Variants in TIAM1 observed in about 807,000 individuals in gnomAD.
The protein encoded by TIAM1 is TIAM Rac1 associated GEF 1.
TIAM1 carries 65 observed loss-of-function variants against 163.5 expected under a neutral mutation model. The ratio of observed to expected loss-of-function variants is 0.40; its 90% confidence interval spans 0.33 to 0.49. TIAM1 has a LOEUF of 0.49. TIAM1 is among the 20% of genes least tolerant of loss of function. The pLI is 0.77. For synonymous variants in TIAM1, 833 were observed against 810.1 expected, an observed-to-expected ratio of 1.03 and a Z score of -0.48; for missense variants, 1,789 against 2,044.7, an observed-to-expected ratio of 0.87 and a Z score of 2.41.
intron 2 of TIAM1, among the ~76,000 whole-genome samples, chr21:31,322,362 G>T (rs1325235097): frequency 6.7e-6 from 1 of 148,418 alleles, no homozygotes; most frequent in African/African-American, 2.5e-5. Flanking sequence ...ATTCTAGCTC[G>T]TATTCACAAA....
intron 2 of TIAM1, among the ~76,000 whole-genome samples, chr21:31,443,253 A>G (rs913798167): frequency 6.6e-6 from 1 of 152,184 alleles, no homozygotes; most frequent in Non-Finnish European, 1.5e-5. Context: ...TAAACCCCCT[A>G]GTAACAGACA....
chr21:31,136,701 C>A (rs913009195), intron 22 of TIAM1, among the ~76,000 whole-genome samples: 1 of 152,170 alleles, frequency 6.6e-6, no homozygotes, highest in African/African-American at 2.4e-5. Context: ...TCTGTCAAAA[C>A]TGATCTACAA....
chr21:31,382,221 G>C (rs1178522668), intron 2 of TIAM1, among the ~76,000 whole-genome samples: 1 of 152,172 alleles, frequency 6.6e-6, no homozygotes, highest in East Asian at 1.9e-4. Flanking sequence ...GAGACCTCTG[G>C]GGCTAGATGT....
In TIAM1 at chr21:31,217,640, G is replaced by A. The variant is rs746396507; in HGVS notation, c.2055C>T (p.Ser685=). ...VRRRTQAMSR[S]ASKRRSRFSS... is the part of the protein sequence containing the mutation. ...AAAACCTGCTCCTTCGCTTGCTCGCGGATCTGGACATGGCCTGAGTACGTC... is the reference window on the plus strand; with the variant it reads ...AAAACCTGCTCCTTCGCTTGCTCGCAGATCTGGACATGGCCTGAGTACGTC... Residue 685 remains serine (S), a synonymous_variant, in exon 9 of 28, where the codon TCC becomes TCT. Coordinates refer to ENST00000541036, the MANE Select transcript of TIAM1 (RefSeq NM_001353694.2). 71 of 1,613,892 alleles carry A rather than the reference G, an allele frequency of 4.4e-5. No individual in the cohort carries two copies. The highest frequency in any genetic ancestry group is 5.3e-5 in the Non-Finnish European group (62 of 1,180,004).
chr21:31,202,823 C>G (rs1423894771), intron 12 of TIAM1, 85 bp downstream of exon 12: 1 of 1,330,824 alleles, frequency 7.5e-7, no homozygotes, highest in Non-Finnish European at 1.1e-6. Flanking sequence ...TCGTTCCACT[C>G]CACCAACTAC....
At chr21:31,147,740 AAATATAT>A (rs1211725852) in intron 19 of TIAM1, among the ~76,000 whole-genome samples, 35 of 143,650 alleles carry the variant, frequency 2.4e-4, no homozygotes, top group African/African-American at 8.2e-4. Flanking sequence ...TAATATATAA[AAATATAT>A]AATATATAAT....
chr21:31,295,456 T>G (rs557553673), intron 2 of TIAM1, among the ~76,000 whole-genome samples: 3 of 107,594 alleles, frequency 2.8e-5, no homozygotes, highest in South Asian at 3.2e-4. Context: ...GGTGACAGAG[T>G]GAGACTCCAT....
intron 26 of TIAM1, among the ~76,000 whole-genome samples, chr21:31,126,262 T>C (rs1295263108): frequency 6.7e-6 from 1 of 149,582 alleles, no homozygotes. Context: ...AGTAAATCAC[T>C]GAGTATCTAC....
intron 2 of TIAM1, among the ~76,000 whole-genome samples, chr21:31,282,530 A>T (rs2073614687): frequency 6.6e-6 from 1 of 152,212 alleles, no homozygotes; most frequent in Non-Finnish European, 1.5e-5. Context: ...TAGCTGGGAC[A>T]TGCTGACAGA....
At chr21:31,505,190 T>G (rs977629944) in intron 1 of TIAM1, among the ~76,000 whole-genome samples, 3 of 152,182 alleles carry the variant, frequency 2.0e-5, no homozygotes, top group Non-Finnish European at 2.9e-5. Context: ...AGCAAGCTAC[T>G]TAACCCTCAG....
At chr21:31,131,682 G>A (rs967317268) in intron 23 of TIAM1, among the ~76,000 whole-genome samples, 2 of 152,210 alleles carry the variant, frequency 1.3e-5, no homozygotes, top group African/African-American at 4.8e-5. Flanking sequence ...ACTGACTCCT[G>A]CCTGTCCTTT....
chr21:31,372,703 C>T (rs868675203), intron 2 of TIAM1, among the ~76,000 whole-genome samples: 1 of 152,126 alleles, frequency 6.6e-6, no homozygotes, highest in Non-Finnish European at 1.5e-5. Context: ...GGGTAGGTGG[C>T]TTACACCTGT....
intron 2 of TIAM1, among the ~76,000 whole-genome samples, chr21:31,337,518 G>GTTATTATTATTA (rs55760697): frequency 0.065 from 9,574 of 147,178 alleles, 391 homozygotes; most frequent in Middle Eastern, 0.12. Context: ...TATTATTGTT[G>GTTATTATTATTA]TTATTATTAT....
At chr21:31,453,236 T>C in intron 2 of TIAM1, 1 of 254,030 alleles carries the variant, frequency 3.9e-6, no homozygotes, top group Admixed American at 3.9e-5. Flanking sequence ...GGATTGCTTT[T>C]TGCAATACAG....
intron 1 of TIAM1, among the ~76,000 whole-genome samples, chr21:31,523,575 G>A (rs1227443042): frequency 6.6e-6 from 1 of 152,138 alleles, no homozygotes; most frequent in African/African-American, 2.4e-5. Context: ...GTGTGACTGT[G>A]GGCAAATCTC....
intron 8 of TIAM1, among the ~76,000 whole-genome samples, chr21:31,220,314 G>A (rs1426470535): frequency 6.6e-6 from 1 of 152,184 alleles, no homozygotes; most frequent in Non-Finnish European, 1.5e-5. Context: ...GGATAAAACT[G>A]ACGGATGCCA....
In TIAM1 at chr21:31,490,402, T is replaced by A. The variant is rs533732604; in HGVS notation, c.-421-26367A>T. 9.9e-5 allele frequency among the ~76,000 whole-genome samples: 15 copies of A among 152,144 alleles called. No homozygotes were observed. The South Asian group carries it at 1.0e-3, about 11-fold the overall frequency. On this transcript the variant is annotated intron_variant, in intron 1 of 28. Coordinates refer to the TIAM1 transcript ENST00000286827. Reference sequence around the variant, plus strand: ...TGATTAAAACACGAAATAAAATGATTTTTTTTAGACTGCCAGCAGGACTGG... The same window carrying A: ...TGATTAAAACACGAAATAAAATGATATTTTTTAGACTGCCAGCAGGACTGG...
chr21:31,217,731 G>A (rs747508465), intron 8 of TIAM1, 32 bp from the exon 9 acceptor site: 1 of 1,609,010 alleles, frequency 6.2e-7, no homozygotes, highest in Non-Finnish European at 8.5e-7. Flanking sequence ...AGCCACAAGG[G>A]AGATGCATCA....
rs200812136 is a variant in TIAM1 at position 31,476,529 on chromosome 21, TA to T, written c.-421-12495del. ...CTTTAGTAAATTACAGATTCACTAA[TA>T]GGGGCCAATTTGTTGAGATGACAAC... On this transcript the variant is annotated intron_variant, in intron 1 of 28. Transcript: ENST00000286827. Among the ~76,000 whole-genome samples, 597 of 152,358 alleles carry T rather than the reference TA, an allele frequency of 3.9e-3. 4 individuals carry two copies. The highest frequency in any genetic ancestry group is 0.013 in the African/African-American group (556 of 41,584).
Sources: gnomAD v4.1 joint callset for allele counts (sites outside exome capture counted in the v4.1 genomes callset) on GRCh38, gnomAD v4.1.1 for gene constraint, MANE v1.5 for transcripts, NCBI Gene and HGNC (gene_info 2026-07-23, HGNC 2026-07-21) for gene names.